Variants in GRID2 observed in about 807,000 individuals in gnomAD.
The protein encoded by GRID2 is glutamate receptor ionotropic, delta-2.
GRID2 carries 33 observed loss-of-function variants against 114.8 expected under a neutral mutation model. The observed-to-expected ratio is 0.29, with a 90% CI of 0.22 to 0.38. GRID2 has a LOEUF of 0.38. Ranked by LOEUF, GRID2 falls within the 10% of genes least tolerant of loss-of-function variation. The probability of loss-of-function intolerance (pLI) is 1.00; values close to 1 mark genes in which losing one functional copy is unlikely to be tolerated. For synonymous variants in GRID2, 505 were observed against 449.9 expected, an observed-to-expected ratio of 1.12 and a Z score of -1.55; for missense variants, 1,184 against 1,257.7, an observed-to-expected ratio of 0.94 and a Z score of 0.89.
At chr4:93,140,557 C>A (rs1000731396) in intron 4 of GRID2, among the ~76,000 whole-genome samples, 5 of 152,128 alleles carry the variant, frequency 3.3e-5, no homozygotes, top group African/African-American at 1.2e-4. Context: ...GTATACAGTA[C>A]CCCTTACCTC....
At chr4:92,691,926 A>G (rs921876863) in intron 2 of GRID2, among the ~76,000 whole-genome samples, 5 of 151,790 alleles carry the variant, frequency 3.3e-5, no homozygotes, top group Non-Finnish European at 7.4e-5. Flanking sequence ...ATAGAATTTT[A>G]TGGAAATACT....
chr4:93,803,084 A>G (rs1734962857), intron 1 of GRID2, among the ~76,000 whole-genome samples: 1 of 152,226 alleles, frequency 6.6e-6, no homozygotes, highest in African/African-American at 2.4e-5. Context: ...TCCTATGTAC[A>G]TGCAGTGGAA....
At chr4:93,133,593 C>T (rs1403066442) in intron 4 of GRID2, among the ~76,000 whole-genome samples, 1 of 152,148 alleles carries the variant, frequency 6.6e-6, no homozygotes, top group Non-Finnish European at 1.5e-5. Context: ...TTTCAATTAT[C>T]TCACTATTGC....
intron 13 of GRID2, among the ~76,000 whole-genome samples, chr4:93,602,065 C>T (rs1739737615): frequency 6.6e-6 from 1 of 152,126 alleles, no homozygotes; most frequent in Non-Finnish European, 1.5e-5. Context: ...TAATTGAAAA[C>T]TGCCATGCTC....
intron 10 of GRID2, among the ~76,000 whole-genome samples, chr4:93,446,462 G>T (rs1290461658): frequency 6.6e-6 from 1 of 152,034 alleles, no homozygotes; most frequent in Non-Finnish European, 1.5e-5. Flanking sequence ...GTGCTGATCA[G>T]TTAGACTAAT....
chr4:93,665,298 T>C (rs56352637), intron 14 of GRID2, among the ~76,000 whole-genome samples: 1 of 152,138 alleles, frequency 6.6e-6, no homozygotes, highest in East Asian at 1.9e-4. Context: ...GTCCCTCAGA[T>C]GGTCAAGTTA....
Position 93,122,890 on chromosome 4 carries a change from G to GTTTTTTTT in GRID2, c.735+11952_735+11959dup, listed in dbSNP as rs886185779. ...GTTACTAGTCAATCCACAGATGTGGGTTTTTTTTTTTTTTTTTTTTTTGAT... is the reference window on the plus strand; with the variant it reads ...GTTACTAGTCAATCCACAGATGTGGGTTTTTTTTTTTTTTTTTTTTTTTTTTTTTTGAT... On this transcript the variant is annotated intron_variant, in intron 4 of 15. Transcript: ENST00000282020. Among the ~76,000 whole-genome samples, 631 of 69,624 alleles carry GTTTTTTTT rather than the reference G, an allele frequency of 9.1e-3. 36 individuals are homozygous for GTTTTTTTT. The highest frequency in any genetic ancestry group is 0.011 in the Non-Finnish European group (419 of 39,354). 45.7% of individuals were successfully genotyped at this position (69,624 alleles called of 152,430 possible). A position where few individuals can be genotyped will look rare whatever the true frequency, so the allele number is the denominator to read the frequency against.
At chr4:93,223,655 T>G (rs1745148840) in intron 6 of GRID2, among the ~76,000 whole-genome samples, 2 of 152,190 alleles carry the variant, frequency 1.3e-5, no homozygotes, top group Admixed American at 1.3e-4. Context: ...GAATTAATTT[T>G]CATCACTACA....
At chr4:92,999,994 A>C (rs907758451) in intron 2 of GRID2, among the ~76,000 whole-genome samples, 2 of 151,728 alleles carry the variant, frequency 1.3e-5, no homozygotes, top group African/African-American at 2.4e-5. Flanking sequence ...GAATAATAAA[A>C]AGGAAACTTG....
At chr4:92,728,969 G>A (rs1166366170) in intron 2 of GRID2, among the ~76,000 whole-genome samples, 1 of 151,758 alleles carries the variant, frequency 6.6e-6, no homozygotes, top group Non-Finnish European at 1.5e-5. Flanking sequence ...TTTTATTTTT[G>A]TTTTTATTCC....
At chr4:93,239,363 A>G in intron 8 of GRID2, among the ~76,000 whole-genome samples, 1 of 140,614 alleles carries the variant, frequency 7.1e-6, no homozygotes, top group East Asian at 2.0e-4. Flanking sequence ...CTATCTATCT[A>G]TCTATCTATA....
At chr4:93,340,202 A>G in intron 8 of GRID2, among the ~76,000 whole-genome samples, 1 of 148,096 alleles carries the variant, frequency 6.8e-6, no homozygotes. Flanking sequence ...GGAAAATTCT[A>G]TGACATAATT....
At chr4:93,106,162 G>A (rs1043301336) in intron 3 of GRID2, among the ~76,000 whole-genome samples, 1 of 152,016 alleles carries the variant, frequency 6.6e-6, no homozygotes. Context: ...TCCATAAATA[G>A]CACCTAGTCA....
intron 1 of GRID2, among the ~76,000 whole-genome samples, chr4:92,532,848 A>G (rs34463575): frequency 0.22 from 33,363 of 152,004 alleles, 3,944 homozygotes; most frequent in South Asian, 0.3. Context: ...CGAGGCAGGA[A>G]GATTGCTTGA....
At chr4:93,531,702 T>C (rs186688397) in intron 13 of GRID2, among the ~76,000 whole-genome samples, 31 of 152,246 alleles carry the variant, frequency 2.0e-4, no homozygotes, top group Admixed American at 1.0e-3. Context: ...TGTTGTTTAT[T>C]TGTATACAAT....
At chr4:92,666,650 G>GTTTTTTGTTTTTTTTTTTTTTTTTTTTT (rs1286942855) in intron 2 of GRID2, among the ~76,000 whole-genome samples, 1 of 68,594 alleles carries the variant, frequency 1.5e-5, no homozygotes, top group African/African-American at 5.2e-5. Context: ...CTTAAGGGTT[G>GTTTTTTGTTTTTTTTTTTTTTTTTTTTT]TTTTTTTTTT....
chr4:92,486,374 A>G lies in GRID2; in HGVS notation c.89-103757A>G, dbSNP rs34836485. Among the ~76,000 whole-genome samples, 401 of 151,752 alleles carry G rather than the reference A, an allele frequency of 2.6e-3. 2 individuals carry two copies. The highest frequency in any genetic ancestry group is 8.4e-3 in the African/African-American group (350 of 41,456). On this transcript the variant is annotated intron_variant, in intron 1 of 15. Transcript: ENST00000282020. ...ATTTTATATAAATTGAGCTTCTTAC[A>G]TTTTTCCTTTCATATACTCCTTGTC...
At chr4:93,534,834 C>G in intron 13 of GRID2, among the ~76,000 whole-genome samples, 1 of 150,056 alleles carries the variant, frequency 6.7e-6, no homozygotes, top group Admixed American at 6.7e-5. Flanking sequence ...CACCCATCAC[C>G]TCACATGGTT....
At chr4:92,322,920 G>C (rs746896063) in intron 1 of GRID2, among the ~76,000 whole-genome samples, 27 of 152,110 alleles carry the variant, frequency 1.8e-4, no homozygotes, top group Admixed American at 8.5e-4. Flanking sequence ...ATATTTAACT[G>C]ATTTTTAAAA....
Sources: gnomAD v4.1 joint callset for allele counts (sites outside exome capture counted in the v4.1 genomes callset) on GRCh38, gnomAD v4.1.1 for gene constraint, MANE v1.5 for transcripts, NCBI Gene and HGNC (gene_info 2026-07-23, HGNC 2026-07-21) for gene names.